Variants in SLC26A1 observed in about 807,000 individuals in gnomAD.
The protein encoded by SLC26A1 is solute carrier family 26 member 1.
In SLC26A1, 18 loss-of-function variants were observed where a neutral mutation model predicts 14.5. That is an observed-to-expected ratio of 1.24 (90% CI 0.86 to 1.84). SLC26A1 has a LOEUF of 1.84. SLC26A1 is among the 40% of genes most tolerant of loss of function. The pLI is 0.00. For synonymous variants in SLC26A1, 505 were observed against 492.0 expected, an observed-to-expected ratio of 1.03 and a Z score of -0.35; for missense variants, 1,049 against 1,020.0, an observed-to-expected ratio of 1.03 and a Z score of -0.39.
chr4:981,292 T>C (rs1713533952), intron 2 of SLC26A1, among the ~76,000 whole-genome samples: 1 of 152,210 alleles, frequency 6.6e-6, no homozygotes, highest in Admixed American at 6.5e-5. Context: ...GGTGGCAACA[T>C]ATTCCTCGTT....
rs1199269560 is a variant in SLC26A1, at chr4:989,898, GGCCACGGCATCCAAA to G, written c.1026_1040del (p.Asp344_Leu348del). On this transcript the variant is annotated inframe_deletion, in exon 3 of 3. Transcript: ENST00000398516. ...AGAAGGCGGCAGCCACGAGGGCCAG[GGCCACGGCATCCAAA>G]GCCACACGCTGCATCAGCCTGGGCT... is the stretch of plus-strand genomic sequence containing the variant. The G allele has an allele frequency of 6.4e-7, 1 of 1,566,324 alleles. No homozygotes were observed. The highest frequency in any genetic ancestry group is 1.9e-5 in the Admixed American group (1 of 53,016).
rs921564314 is a variant in SLC26A1, at chr4:988,451, C to A, written c.*382G>T. The A allele has an allele frequency of 2.8e-6, 3 of 1,089,680 alleles. No homozygotes were observed. The highest frequency in any genetic ancestry group is 3.3e-6 in the Non-Finnish European group (3 of 895,714). The allele number at this position is 1,089,680 out of a possible 1,614,324, so 67.5% of individuals were successfully genotyped here. ...TCCTACCAGCAGGGTGGGCACCGGG[C>A]AGGCCTGGGCATAGGGAGTCCTCTT... On this transcript the variant is annotated 3_prime_UTR_variant, in exon 3 of 3. Transcript: ENST00000398516.
intron 2 of SLC26A1, among the ~76,000 whole-genome samples, chr4:981,857 C>T (rs949652805): frequency 6.6e-6 from 1 of 151,476 alleles, no homozygotes; most frequent in African/African-American, 2.4e-5. Flanking sequence ...ACTCTGTTGC[C>T]CAGGCTGGAG....
At chr4:987,268 C>T, downstream of SLC26A1, 2 of 1,511,934 alleles carry the variant, frequency 1.3e-6, no homozygotes, top group East Asian at 2.6e-5. Flanking sequence ...CCTCCGGGAC[C>T]CCCTGGCCGC....
downstream of SLC26A1, among the ~76,000 whole-genome samples, chr4:983,062 C>G (rs1276658064): frequency 2.0e-5 from 3 of 152,252 alleles, no homozygotes; most frequent in African/African-American, 7.2e-5. Context: ...CTCTCCTCCC[C>G]TCTCACTTCA....
downstream of SLC26A1, chr4:987,329 A>G: frequency 7.9e-7 from 1 of 1,261,346 alleles, no homozygotes; most frequent in South Asian, 1.3e-5. Context: ...AGCTTCAGAG[A>G]CCGGAGCTCC....
chr4:989,023 G>GC lies in SLC26A1; in HGVS notation c.1915dup (p.Ala639GlyfsTer34). ...GGCTAGCAGCAGGCTGATGCCCAGGGCCCCGTAGTCTCGGCGCAGGTCCTG... is the reference window on the plus strand; with the variant it reads ...GGCTAGCAGCAGGCTGATGCCCAGGGCCCCCGTAGTCTCGGCGCAGGTCCTG... On this transcript the variant is annotated frameshift_variant, in exon 3 of 3. Coordinates refer to ENST00000398516, the MANE Select transcript of SLC26A1 (RefSeq NM_022042.4). LOFTEE classifies it low-confidence loss of function (END_TRUNC). 1.3e-6 allele frequency: 2 copies of GC among 1,585,946 alleles called. No homozygotes were observed. The highest frequency in any genetic ancestry group is 1.7e-6 in the Non-Finnish European group (2 of 1,166,912).
intron 2 of SLC26A1, among the ~76,000 whole-genome samples, chr4:982,537 G>A (rs1377071799): frequency 5.3e-5 from 8 of 152,212 alleles, no homozygotes; most frequent in Non-Finnish European, 8.8e-5. Flanking sequence ...CTGCCCGGAC[G>A]CCCCCAGTGA....
At chr4:980,179 G>C (rs1053694610) in intron 2 of SLC26A1, among the ~76,000 whole-genome samples, 4 of 152,214 alleles carry the variant, frequency 2.6e-5, no homozygotes, top group African/African-American at 4.8e-5. Context: ...CCTCGCCCTG[G>C]GGTGACTGAG....
downstream of SLC26A1, chr4:986,906 C>A (rs1039179210): frequency 2.9e-6 from 2 of 679,606 alleles, no homozygotes; most frequent in East Asian, 3.0e-5. Context: ...CAAGCCCTGC[C>A]GTGCTCCCGG....
Position 991,497 on chromosome 4 carries a change from C to T in SLC26A1, c.207G>A (p.Leu69=), listed in dbSNP as rs200926311. The T allele has an allele frequency of 1.2e-6, 2 of 1,610,098 alleles. No individual in the cohort carries two copies. The highest frequency in any genetic ancestry group is 1.3e-5 in the African/African-American group (1 of 74,904). ...WLRQYRPREY[L]AGDVMSGLVI... Reference sequence around the variant, plus strand: ...CCAGCCCAGACATGACGTCGCCTGCCAGGTACTCCCGCGGGCGGTACTGAC... The same window carrying T: ...CCAGCCCAGACATGACGTCGCCTGCTAGGTACTCCCGCGGGCGGTACTGAC... Residue 69 remains leucine (L), a synonymous_variant, in exon 2 of 3, where the codon CTG becomes CTA. Coordinates refer to ENST00000398516, the MANE Select transcript of SLC26A1 (RefSeq NM_022042.4).
At chr4:987,162 C>A, downstream of SLC26A1, 1 of 1,432,598 alleles carries the variant, frequency 7.0e-7, no homozygotes, top group South Asian at 1.4e-5. Context: ...TGGCCCCGGC[C>A]GAGGCCCCGC....
chr4:982,997 G>A (rs982388004), downstream of SLC26A1, among the ~76,000 whole-genome samples: 7 of 152,204 alleles, frequency 4.6e-5, no homozygotes, highest in South Asian at 2.1e-4. Context: ...GCAGGCGCTC[G>A]CCATGTGAGG....
In SLC26A1 at chr4:987,810, C is replaced by A; in HGVS notation, c.*1023G>T. On this transcript the variant is annotated 3_prime_UTR_variant, in exon 3 of 3. Coordinates refer to ENST00000398516, the MANE Select transcript of SLC26A1 (RefSeq NM_022042.4). ...GAGCCGCCCCTTTGTTGTCCCCAGCCCCCCGCTGCCACACAGCCAGGCTGA... is the reference window on the plus strand; with the variant it reads ...GAGCCGCCCCTTTGTTGTCCCCAGCACCCCGCTGCCACACAGCCAGGCTGA... 6.2e-7 allele frequency: 1 copy of A among 1,612,370 alleles called. No individual in the cohort carries two copies. The highest frequency in any genetic ancestry group is 1.1e-5 in the South Asian group (1 of 91,056).
intron 2 of SLC26A1, chr4:990,862 C>T (rs1714235050): frequency 2.0e-6 from 1 of 490,732 alleles, no homozygotes; most frequent in Non-Finnish European, 3.6e-6. Flanking sequence ...GAGCCACAGC[C>T]ACACCTGGCC....
chr4:980,149 C>T (rs1180332151), intron 2 of SLC26A1, among the ~76,000 whole-genome samples: 2 of 152,206 alleles, frequency 1.3e-5, no homozygotes, highest in Admixed American at 6.5e-5. Context: ...CTGGGCTCGG[C>T]AGCCCCTGGT....
chr4:991,139 C>T lies in SLC26A1; in HGVS notation c.565G>A (p.Gly189Arg), dbSNP rs372241214. Residue 189 changes from glycine to arginine, a missense_variant, in exon 2 of 3, where the codon GGG becomes AGG. Physicochemically the swap from Gly to Arg is moderately radical, Grantham distance 125. Coordinates refer to ENST00000398516, the MANE Select transcript of SLC26A1 (RefSeq NM_022042.4). ...RVATALTLMT[G>R]LYQVLMGVLR... ...GCAGGGCTCCTCACCTGGTAAAGCC[C>T]GGTCATCAGCGTGAGGGCGGTGGCG... 35 of 1,543,138 alleles carry T rather than the reference C, an allele frequency of 2.3e-5. No homozygotes were observed. In the East Asian group the frequency reaches 2.5e-4, roughly 11 times the overall value.
At position 988,670 on chromosome 4, in the gene SLC26A1, C is replaced by T. The variant is rs1188953825; in HGVS notation, c.*163G>A. The T allele has an allele frequency of 2.8e-6, 4 of 1,414,254 alleles. No individual in the cohort carries two copies. Among genetic ancestry groups the T allele is most frequent in the Non-Finnish European group, 3.7e-6 (4 of 1,089,704 alleles). 87.6% of individuals were successfully genotyped at this position (1,414,254 alleles called of 1,614,324 possible). ...TTGGGTCCTGCGTGTGATCAGAGGGCCTCCTTTCCCAGTTGGGGTTCCCCG... is the reference window on the plus strand; with the variant it reads ...TTGGGTCCTGCGTGTGATCAGAGGGTCTCCTTTCCCAGTTGGGGTTCCCCG... On this transcript the variant is annotated 3_prime_UTR_variant, in exon 3 of 3. Transcript: ENST00000398516.
intron 2 of SLC26A1, chr4:990,672 G>C: frequency 2.2e-6 from 1 of 455,700 alleles, no homozygotes; most frequent in Non-Finnish European, 3.9e-6. Flanking sequence ...GGTATCAGAA[G>C]GCAACCCCTT....
Sources: gnomAD v4.1 joint callset for allele counts (sites outside exome capture counted in the v4.1 genomes callset) on GRCh38, gnomAD v4.1.1 for gene constraint, MANE v1.5 for transcripts, NCBI Gene and HGNC (gene_info 2026-07-23, HGNC 2026-07-21) for gene names.